Variants in KCNB2 observed in about 807,000 individuals in gnomAD.
The protein encoded by KCNB2 is potassium voltage-gated channel subfamily B member 2, also known as delayed rectifier potassium channel protein.
A neutral mutation model predicts 61.5 loss-of-function variants in KCNB2; 15 were observed. That is an observed-to-expected ratio of 0.24 (90% confidence interval 0.16 to 0.38). KCNB2 has a LOEUF of 0.38. Ranked by LOEUF, KCNB2 falls within the 10% of genes least tolerant of loss-of-function variation. The probability of loss-of-function intolerance (pLI) is 1.00; values close to 1 mark genes in which losing one functional copy is unlikely to be tolerated. For missense variants in KCNB2, 828 were observed against 1,125.2 expected (o/e 0.74, Z 3.78); for synonymous variants, 457 against 446.0 (o/e 1.02, Z -0.31).
At chr8:72,730,238 T>C (rs1456464424) in intron 2 of KCNB2, among the ~76,000 whole-genome samples, 1 of 152,210 alleles carries the variant, frequency 6.6e-6, no homozygotes, top group African/African-American at 2.4e-5. Flanking sequence ...AGTACATTTA[T>C]AGTTTTGCTT....
At chr8:72,701,848 ATTAT>A (rs906248890) in intron 2 of KCNB2, among the ~76,000 whole-genome samples, 3 of 152,024 alleles carry the variant, frequency 2.0e-5, no homozygotes, top group South Asian at 2.1e-4. Context: ...TGGACATATC[ATTAT>A]TTATTAAGTA....
intron 2 of KCNB2, among the ~76,000 whole-genome samples, chr8:72,824,356 G>A (rs1237124133): frequency 6.6e-6 from 1 of 152,040 alleles, no homozygotes; most frequent in Non-Finnish European, 1.5e-5. Context: ...TCTGTGCCAT[G>A]TGTCTCTGTA....
intron 2 of KCNB2, among the ~76,000 whole-genome samples, chr8:72,739,476 C>T (rs1180370837): frequency 6.6e-6 from 1 of 151,766 alleles, no homozygotes; most frequent in Admixed American, 6.6e-5. Flanking sequence ...GGGCACAAAA[C>T]CTTTTAGGGA....
chr8:72,613,373 A>C (rs1234552083), intron 2 of KCNB2, among the ~76,000 whole-genome samples: 1 of 152,180 alleles, frequency 6.6e-6, no homozygotes, highest in Non-Finnish European at 1.5e-5. Flanking sequence ...ATTCCTCAAA[A>C]AATAATGTTT....
chr8:72,538,187 G>A (rs1487826770), intron 1 of KCNB2, among the ~76,000 whole-genome samples: 1 of 152,098 alleles, frequency 6.6e-6, no homozygotes, highest in Non-Finnish European at 1.5e-5. Context: ...GTTGGTAAAT[G>A]CCACACTCAC....
chr8:72,759,481 G>A (rs567361761), intron 2 of KCNB2, among the ~76,000 whole-genome samples: 3 of 152,300 alleles, frequency 2.0e-5, no homozygotes, highest in Admixed American at 6.5e-5. Context: ...CTCCAACTCT[G>A]CTGCCTTCTT....
intron 2 of KCNB2, among the ~76,000 whole-genome samples, chr8:72,707,371 C>T (rs1807243462): frequency 6.6e-6 from 1 of 152,130 alleles, no homozygotes. Flanking sequence ...TCCAAAGGAA[C>T]CTCCTAATTG....
intron 2 of KCNB2, among the ~76,000 whole-genome samples, chr8:72,922,917 G>C (rs1443554736): frequency 6.6e-6 from 1 of 151,632 alleles, no homozygotes; most frequent in Non-Finnish European, 1.5e-5. Flanking sequence ...TTGGGCTACA[G>C]CTTGGTTTTA....
intron 2 of KCNB2, among the ~76,000 whole-genome samples, chr8:72,921,951 A>C (rs762491520): frequency 1.2e-4 from 19 of 152,148 alleles, no homozygotes; most frequent in Non-Finnish European, 1.8e-4. Context: ...TCTTAGCTCT[A>C]TCTCTCATTA....
rs1273108933 is a variant in KCNB2, at chr8:72,701,426, T to G, written c.579+133113T>G. On this transcript the variant is annotated intron_variant, in intron 2 of 2. Coordinates refer to ENST00000523207, the MANE Select transcript of KCNB2 (RefSeq NM_004770.3). The stretch of plus-strand genomic sequence containing the variant: ...TGGACGTCATTTAATGACAAAGTTA[T>G]CTATTCATAACACCATCCTCTAGCA... 3.3e-5 allele frequency among the ~76,000 whole-genome samples: 5 copies of G among 152,298 alleles called. No individual in the cohort carries two copies. In the East Asian group the frequency reaches 9.7e-4, roughly 29 times the overall value.
intron 2 of KCNB2, among the ~76,000 whole-genome samples, chr8:72,714,041 A>G (rs1415372228): frequency 1.3e-5 from 2 of 152,266 alleles, no homozygotes; most frequent in African/African-American, 4.8e-5. Context: ...GATGCAATCA[A>G]CTGGAAGAAA....
intron 2 of KCNB2, among the ~76,000 whole-genome samples, chr8:72,840,041 C>T (rs1809854488): frequency 6.6e-6 from 1 of 152,022 alleles, no homozygotes; most frequent in African/African-American, 2.4e-5. Context: ...GGTATTTCTC[C>T]TAATGGTCTC....
At chr8:72,600,215 T>A (rs1407689595) in intron 2 of KCNB2, among the ~76,000 whole-genome samples, 1 of 152,102 alleles carries the variant, frequency 6.6e-6, no homozygotes, top group African/African-American at 2.4e-5. Context: ...AATGATAGAC[T>A]GGATTAAGAA....
intron 2 of KCNB2, among the ~76,000 whole-genome samples, chr8:72,827,530 A>C (rs953237885): frequency 2.0e-5 from 3 of 152,182 alleles, no homozygotes; most frequent in African/African-American, 7.2e-5. Context: ...CCTAAACTCC[A>C]ACTTTTATTC....
chr8:72,592,015 A>C (rs926093052), intron 2 of KCNB2, among the ~76,000 whole-genome samples: 1 of 152,128 alleles, frequency 6.6e-6, no homozygotes, highest in Non-Finnish European at 1.5e-5. Context: ...AGAAATTTAC[A>C]TTTTGGCTTA....
intron 2 of KCNB2, among the ~76,000 whole-genome samples, chr8:72,629,445 T>C (rs1805845629): frequency 6.6e-6 from 1 of 152,200 alleles, no homozygotes; most frequent in Non-Finnish European, 1.5e-5. Context: ...CAAACTTCTC[T>C]TCCAGAATTT....
chr8:72,855,050 C>T (rs1810184713), intron 2 of KCNB2, among the ~76,000 whole-genome samples: 1 of 152,200 alleles, frequency 6.6e-6, no homozygotes, highest in South Asian at 2.1e-4. Flanking sequence ...CACTATTGCA[C>T]TCTGTCCTCC....
chr8:72,692,258 A>AT (rs1806952167), intron 2 of KCNB2, among the ~76,000 whole-genome samples: 1 of 145,354 alleles, frequency 6.9e-6, no homozygotes, highest in African/African-American at 2.5e-5. Context: ...AAAAAAAAAA[A>AT]TTGGAAGCTT....
intron 2 of KCNB2, among the ~76,000 whole-genome samples, chr8:72,901,071 G>C (rs549935420): frequency 6.6e-6 from 1 of 152,134 alleles, no homozygotes; most frequent in African/African-American, 2.4e-5. Flanking sequence ...TAGCAAAGAC[G>C]TGGTAGCTTT....
Sources: allele counts gnomAD v4.1 joint callset (sites outside exome capture counted in the v4.1 genomes callset), GRCh38; gene constraint gnomAD v4.1.1; transcripts MANE v1.5; gene names NCBI Gene and HGNC (gene_info 2026-07-23, HGNC 2026-07-21).